The following ADGRL3 variants were observed in gnomAD, a reference collection of about 807,000 sequenced individuals.
ADGRL3 encodes adhesion G protein-coupled receptor L3, also known as calcium-independent alpha-latrotoxin receptor 3.
A neutral mutation model predicts 153.5 loss-of-function variants in ADGRL3; 62 were observed. The ratio of observed to expected loss-of-function variants is 0.40; its 90% CI spans 0.33 to 0.50. The LOEUF is 0.50. Ranked by LOEUF, ADGRL3 falls within the 20% of genes least tolerant of loss-of-function variation. The probability of loss-of-function intolerance (pLI) is 0.47; values close to 1 mark genes in which losing one functional copy is unlikely to be tolerated. For missense variants in ADGRL3, 1,641 were observed against 1,859.4 expected (o/e 0.88, Z 2.16); for synonymous variants, 710 against 672.5 (o/e 1.06, Z -0.86).
intron 2 of ADGRL3, among the ~76,000 whole-genome samples, chr4:61,449,025 G>C (rs2097640157): frequency 6.6e-6 from 1 of 152,124 alleles, no homozygotes; most frequent in Admixed American, 6.5e-5. Flanking sequence ...TGTTAAGAAT[G>C]ATATATTTTA....
At chr4:61,453,753 C>G (rs1410541115) in intron 2 of ADGRL3, among the ~76,000 whole-genome samples, 3 of 152,092 alleles carry the variant, frequency 2.0e-5, no homozygotes, top group African/African-American at 7.2e-5. Flanking sequence ...ATCCATCAAT[C>G]TGTAATTATA....
chr4:61,436,342 C>T (rs2097445136), intron 2 of ADGRL3, among the ~76,000 whole-genome samples: 1 of 152,132 alleles, frequency 6.6e-6, no homozygotes, highest in Admixed American at 6.6e-5. Context: ...TCTTAACTTA[C>T]ATTTTGGACA....
chr4:62,057,128 A>G (rs1045376364), intron 25 of ADGRL3, among the ~76,000 whole-genome samples: 1 of 152,212 alleles, frequency 6.6e-6, no homozygotes, highest in East Asian at 1.9e-4. Flanking sequence ...CGTTGTTTGA[A>G]TTATGTTTCT....
chr4:61,646,934 G>A (rs1423318008), intron 5 of ADGRL3, among the ~76,000 whole-genome samples: 9 of 152,208 alleles, frequency 5.9e-5, no homozygotes, highest in African/African-American at 2.2e-4. Context: ...GCGAGACTCC[G>A]TGGGCGTAGG....
chr4:61,211,683 C>T (rs1449110487), intron 1 of ADGRL3: 1 of 152,092 alleles, frequency 6.6e-6, no homozygotes, highest in Admixed American at 6.6e-5. Flanking sequence ...CAACAAAACC[C>T]AACAAAATTA....
intron 8 of ADGRL3, among the ~76,000 whole-genome samples, chr4:61,767,081 G>T (rs2096994547): frequency 6.6e-6 from 1 of 151,954 alleles, no homozygotes; most frequent in African/African-American, 2.4e-5. Flanking sequence ...AGGTTTTAAT[G>T]AGATGGTAAG....
intron 17 of ADGRL3, among the ~76,000 whole-genome samples, chr4:61,958,791 G>T (rs780562107): frequency 6.6e-6 from 1 of 152,034 alleles, no homozygotes; most frequent in African/African-American, 2.4e-5. Flanking sequence ...ATGAGATTTG[G>T]GTGGGAACAG....
At chr4:61,493,383 A>G (rs1455401027) in intron 2 of ADGRL3, among the ~76,000 whole-genome samples, 2 of 152,206 alleles carry the variant, frequency 1.3e-5, no homozygotes, top group African/African-American at 2.4e-5. Flanking sequence ...AGATGGCTCT[A>G]TGTCCTGCTG....
At chr4:61,489,782 G>A (rs1456883) in intron 2 of ADGRL3, among the ~76,000 whole-genome samples, 116,179 of 151,868 alleles carry the variant, frequency 0.77, 46,107 homozygotes, top group East Asian at 0.95. Context: ...AATTGAATTT[G>A]CAACAAAATG....
intron 6 of ADGRL3, among the ~76,000 whole-genome samples, chr4:61,727,283 G>A (rs969114007): frequency 2.0e-5 from 3 of 151,880 alleles, no homozygotes; most frequent in African/African-American, 7.3e-5. Flanking sequence ...TCTAACCACA[G>A]GATATAGCTT....
At chr4:61,831,745 G>C (rs1240863645) in intron 9 of ADGRL3, among the ~76,000 whole-genome samples, 1 of 152,134 alleles carries the variant, frequency 6.6e-6, no homozygotes, top group Non-Finnish European at 1.5e-5. Flanking sequence ...TTAAGGTTTA[G>C]TAGGTGAAAC....
chr4:61,228,381 A>C (rs534928907), intron 1 of ADGRL3, among the ~76,000 whole-genome samples: 1 of 152,322 alleles, frequency 6.6e-6, no homozygotes, highest in Non-Finnish European at 1.5e-5. Context: ...CAGTAGCATG[A>C]TACATTCCAC....
chr4:61,325,675 C>A (rs1048186565), intron 1 of ADGRL3, among the ~76,000 whole-genome samples: 8 of 152,120 alleles, frequency 5.3e-5, no homozygotes, highest in Non-Finnish European at 1.0e-4. Context: ...TTTTTTCTAA[C>A]ATGATAAGTC....
chr4:61,903,455 C>T (rs542923964), intron 11 of ADGRL3, among the ~76,000 whole-genome samples: 12 of 151,794 alleles, frequency 7.9e-5, no homozygotes, highest in African/African-American at 2.7e-4. Flanking sequence ...CTTTTATTTC[C>T]TCAGGAAATA....
intron 13 of ADGRL3, among the ~76,000 whole-genome samples, chr4:61,915,346 C>CT (rs1273272014): frequency 6.7e-6 from 1 of 149,814 alleles, no homozygotes; most frequent in African/African-American, 2.4e-5. Flanking sequence ...GACCTATACT[C>CT]TAAGTGAATG....
At chr4:61,589,344 C>T (rs1352784104) in intron 5 of ADGRL3, among the ~76,000 whole-genome samples, 1 of 151,962 alleles carries the variant, frequency 6.6e-6, no homozygotes, top group Non-Finnish European at 1.5e-5. Flanking sequence ...GAAAAGAAAT[C>T]AGGTTTTATT....
chr4:61,524,784 A>G (rs1442626792), intron 4 of ADGRL3, among the ~76,000 whole-genome samples: 1 of 152,136 alleles, frequency 6.6e-6, no homozygotes. Flanking sequence ...TATAATAATC[A>G]AAACAGAGAT....
intron 13 of ADGRL3, among the ~76,000 whole-genome samples, chr4:61,921,414 T>C (rs2098768566): frequency 6.6e-6 from 1 of 152,118 alleles, no homozygotes; most frequent in South Asian, 2.1e-4. Flanking sequence ...CAAAGCGTGA[T>C]CACTGTTAGC....
At chr4:61,513,755 A>T (rs2098476274) in intron 3 of ADGRL3, among the ~76,000 whole-genome samples, 1 of 152,170 alleles carries the variant, frequency 6.6e-6, no homozygotes, top group South Asian at 2.1e-4. Flanking sequence ...CTCCCCCTCA[A>T]TTCAAATAAA....
Sources: allele counts gnomAD v4.1 joint callset (sites outside exome capture counted in the v4.1 genomes callset), GRCh38; gene constraint gnomAD v4.1.1; transcripts MANE v1.5; gene names NCBI Gene and HGNC (gene_info 2026-07-23, HGNC 2026-07-21).